Variants in TOMM20 observed in about 807,000 individuals in gnomAD.
The protein encoded by TOMM20 is mitochondrial import receptor subunit TOM20 homolog.
TOMM20 carries 10 observed loss-of-function variants against 22.1 expected under a neutral mutation model. The observed-to-expected ratio is 0.45, with a 90% CI of 0.28 to 0.77. TOMM20 has a LOEUF of 0.77. Ranked by LOEUF, TOMM20 falls within the 30% of genes least tolerant of loss-of-function variation. The pLI is 0.13. For synonymous variants in TOMM20, 55 were observed against 61.4 expected (o/e 0.90, Z 0.49); for missense variants, 121 against 172.2 (o/e 0.70, Z 1.66).
chr1:235,113,962 C>A (rs751376937), intron 3 of TOMM20, 52 bp from the exon 4 acceptor site: 2 of 1,511,284 alleles, frequency 1.3e-6, no homozygotes, highest in African/African-American at 1.4e-5. Flanking sequence ...TGGCCTTTGT[C>A]AAAATTAACT....
chr1:235,127,711 C>G (rs941258469), intron 1 of TOMM20: 1 of 354,794 alleles, frequency 2.8e-6, no homozygotes, highest in African/African-American at 2.1e-5. Context: ...CAAATTTGCT[C>G]TTCAATGATG....
At chr1:235,113,988 A>C in intron 3 of TOMM20, 78 bp from the exon 4 acceptor site, 1 of 1,467,768 alleles carries the variant, frequency 6.8e-7, no homozygotes, top group Non-Finnish European at 9.1e-7. Flanking sequence ...CACTATCTCC[A>C]AATGATGCTG....
intron 1 of TOMM20, among the ~76,000 whole-genome samples, chr1:235,124,718 A>G (rs1660983495): frequency 6.6e-6 from 1 of 152,218 alleles, no homozygotes; most frequent in Non-Finnish European, 1.5e-5. Flanking sequence ...CACTGAATAC[A>G]TTTAACTGAT....
intron 1 of TOMM20, 23 bp from the exon 2 acceptor site, chr1:235,122,395 T>G: frequency 6.3e-7 from 1 of 1,575,608 alleles, no homozygotes; most frequent in African/African-American, 1.4e-5. Flanking sequence ...CAAAGTTATA[T>G]TTACATTTTG....
chr1:235,127,972 T>A (rs939259422), intron 1 of TOMM20: 2 of 510,640 alleles, frequency 3.9e-6, no homozygotes, highest in African/African-American at 3.9e-5. Context: ...GGTCAGGAGT[T>A]CGAGACTAGC....
intron 3 of TOMM20, among the ~76,000 whole-genome samples, chr1:235,114,401 A>C (rs1173065158): frequency 6.6e-6 from 1 of 151,948 alleles, no homozygotes; most frequent in African/African-American, 2.4e-5. Flanking sequence ...AGGAGAAATA[A>C]AGCCATGATT....
intron 1 of TOMM20, among the ~76,000 whole-genome samples, chr1:235,126,293 C>A (rs1489016451): frequency 1.3e-5 from 2 of 151,296 alleles, no homozygotes; most frequent in African/African-American, 2.4e-5. Context: ...CCACCACACC[C>A]GGCTAATTTT....
chr1:235,114,812 T>C (rs1456867710), intron 3 of TOMM20, among the ~76,000 whole-genome samples: 1 of 152,166 alleles, frequency 6.6e-6, no homozygotes, highest in Admixed American at 6.6e-5. Flanking sequence ...TTTTTCAAAG[T>C]TCACTTAATT....
intron 1 of TOMM20, among the ~76,000 whole-genome samples, chr1:235,127,623 A>G (rs1661046811): frequency 6.6e-6 from 1 of 152,216 alleles, no homozygotes. Flanking sequence ...GGCTTTAGTA[A>G]CTTACGTATC....
At position 235,128,560 on chromosome 1, in the gene TOMM20, A is replaced by G. The variant is rs201443321; in HGVS notation, c.121+35T>C. On this transcript the variant is annotated intron_variant, in intron 1 of 4. Transcript: ENST00000366607. ...CCTGTGAAGGGCGGCGGCCGAAGGC[A>G]GCAAGCCTGGCCAGGGGAGAGAGGA... 3.7e-6 allele frequency: 6 copies of G among 1,611,428 alleles called. No individual in the cohort carries two copies. In the Admixed American group the frequency reaches 8.3e-5, roughly 22 times the overall value.
chr1:235,117,082 C>G (rs555779546), intron 3 of TOMM20, among the ~76,000 whole-genome samples: 1 of 121,164 alleles, frequency 8.3e-6, no homozygotes, highest in Admixed American at 1.1e-4. Flanking sequence ...TTGCAGTGAG[C>G]GGAGATCGCG....
intron 1 of TOMM20, among the ~76,000 whole-genome samples, chr1:235,126,157 CAG>C (rs1034123705): frequency 1.3e-5 from 2 of 151,608 alleles, no homozygotes; most frequent in African/African-American, 2.4e-5. Context: ...ATTTTGGAGA[CAG>C]AGTCTTGCTC....
intron 1 of TOMM20, among the ~76,000 whole-genome samples, chr1:235,126,098 T>C (rs1424144333): frequency 6.6e-6 from 1 of 150,794 alleles, no homozygotes; most frequent in African/African-American, 2.5e-5. Context: ...TAAAGATAGA[T>C]AGATATAGAT....
chr1:235,113,753 A>G lies in TOMM20; in HGVS notation c.393+15T>C. On this transcript the variant is annotated intron_variant, in intron 4 of 4. Coordinates refer to ENST00000366607, the MANE Select transcript of TOMM20 (RefSeq NM_014765.3). ...ATCCCACTCACTTTTATGTCATAAC[A>G]TTCCAATTCCTTACCTGACTAATTG... The G allele has an allele frequency of 1.3e-6, 2 of 1,596,610 alleles. No homozygotes were observed. The highest frequency in any genetic ancestry group is 2.7e-5 in the African/African-American group (2 of 74,290).
chr1:235,115,043 T>C (rs542753687), intron 3 of TOMM20, among the ~76,000 whole-genome samples: 2 of 151,790 alleles, frequency 1.3e-5, no homozygotes, highest in Admixed American at 6.6e-5. Context: ...CTAATTTTGC[T>C]AATTTTTTTT....
intron 1 of TOMM20, among the ~76,000 whole-genome samples, chr1:235,124,118 G>A (rs531067008): frequency 2.6e-5 from 4 of 152,354 alleles, no homozygotes; most frequent in South Asian, 2.1e-4. Context: ...AGGCCAAGGC[G>A]GGCGGATCAC....
At chr1:235,117,091 C>T (rs1329389817) in intron 3 of TOMM20, among the ~76,000 whole-genome samples, 6 of 129,988 alleles carry the variant, frequency 4.6e-5, no homozygotes, top group Non-Finnish European at 6.3e-5. Flanking sequence ...GCGGAGATCG[C>T]GCCACTGCAC....
chr1:235,128,700 T>G lies in TOMM20; in HGVS notation c.16A>C (p.Ser6Arg). 1 of 1,614,064 alleles carries G rather than the reference T, an allele frequency of 6.2e-7. No homozygotes were observed. Among genetic ancestry groups the G allele is most frequent in the East Asian group, 2.2e-5 (1 of 44,884 alleles). The change falls in exon 1 of 5, where the codon AGC (serine) becomes CGC (arginine). Residue 6 changes from serine to arginine, a missense_variant. By Grantham distance (110) the Ser-to-Arg change is moderately radical (BLOSUM62 -1). Coordinates refer to ENST00000366607, the MANE Select transcript of TOMM20 (RefSeq NM_014765.3). MVGRNSAIAAGVCGAL... is the reference protein window; with the variant it reads MVGRNRAIAAGVCGAL... ...CCGCATACACCGGCGGCGATGGCGCTGTTCCGACCCACCATCTTCTCTACA... is the reference window on the plus strand; with the variant it reads ...CCGCATACACCGGCGGCGATGGCGCGGTTCCGACCCACCATCTTCTCTACA...
intron 3 of TOMM20, among the ~76,000 whole-genome samples, chr1:235,116,692 C>T (rs1323800799): frequency 6.6e-6 from 1 of 152,094 alleles, no homozygotes; most frequent in Non-Finnish European, 1.5e-5. Flanking sequence ...GCCTGGGCAA[C>T]AGAATGAGAT....
Sources: gnomAD v4.1 joint callset for allele counts (sites outside exome capture counted in the v4.1 genomes callset) on GRCh38, gnomAD v4.1.1 for gene constraint, MANE v1.5 for transcripts, NCBI Gene and HGNC (gene_info 2026-07-23, HGNC 2026-07-21) for gene names.